Variants in MYO1B observed in about 807,000 individuals in gnomAD.
MYO1B encodes the protein unconventional myosin-Ib.
In MYO1B, 72 loss-of-function variants were observed where a neutral mutation model predicts 159.7. The ratio of observed to expected loss-of-function variants is 0.45; its 90% CI spans 0.37 to 0.55. The LOEUF is 0.55. Ranked by LOEUF, MYO1B falls within the 20% of genes least tolerant of loss-of-function variation. The pLI, the probability that MYO1B is intolerant of heterozygous loss-of-function variation, is 0.00. For missense variants in MYO1B, 1,062 were observed against 1,364.8 expected (o/e 0.78, Z 3.50); for synonymous variants, 468 against 473.8 (o/e 0.99, Z 0.16).
intron 17 of MYO1B, 39 bp downstream of exon 17, chr2:191,387,489 A>T (rs1464470945): frequency 6.5e-7 from 1 of 1,548,062 alleles, no homozygotes; most frequent in African/African-American, 1.4e-5. Flanking sequence ...TTCAAATGTG[A>T]GAGCACCCCG....
chr2:191,408,910 T>G, intron 25 of MYO1B, 134 bp from the exon 26 acceptor site: 11 of 912,198 alleles, frequency 1.2e-5, no homozygotes, highest in Non-Finnish European at 1.8e-5. Flanking sequence ...ACTTCCCAGA[T>G]GAGTTACAGT....
At chr2:191,284,110 C>G (rs1424676163) in intron 2 of MYO1B, among the ~76,000 whole-genome samples, 2 of 152,164 alleles carry the variant, frequency 1.3e-5, no homozygotes, top group East Asian at 3.8e-4. Flanking sequence ...ATCATGTTCA[C>G]AGGATGACAG....
chr2:191,312,929 C>G lies in MYO1B; in HGVS notation c.251+16703C>G, dbSNP rs76494139. Among the ~76,000 whole-genome samples, 5 of 152,140 alleles carry G rather than the reference C, an allele frequency of 3.3e-5. No individual in the cohort carries two copies. The East Asian group carries it at 9.6e-4, about 29-fold the overall frequency. On this transcript the variant is annotated intron_variant, in intron 3 of 30. Transcript: ENST00000392318. The stretch of plus-strand genomic sequence containing the variant: ...TGCTGCTTACTGACAAAATTCCCAC[C>G]TATTGGAAATGAAACTTGAGTTTAT...
chr2:191,318,470 A>G (rs973425605), intron 3 of MYO1B, among the ~76,000 whole-genome samples: 3 of 152,212 alleles, frequency 2.0e-5, no homozygotes, highest in African/African-American at 7.2e-5. Flanking sequence ...AAATATGTGT[A>G]CTATGTAGAG....
At chr2:191,293,150 C>T (rs978681007) in intron 2 of MYO1B, among the ~76,000 whole-genome samples, 3 of 152,246 alleles carry the variant, frequency 2.0e-5, no homozygotes, top group African/African-American at 7.2e-5. Flanking sequence ...CAGGCTTCTA[C>T]TTGTGTCTCA....
intron 13 of MYO1B, among the ~76,000 whole-genome samples, chr2:191,378,100 TC>T (rs1694822332): frequency 6.6e-6 from 1 of 152,148 alleles, no homozygotes; most frequent in Non-Finnish European, 1.5e-5. Context: ...GAATACTCTC[TC>T]CTTATTGGTT....
intron 2 of MYO1B, among the ~76,000 whole-genome samples, chr2:191,277,439 AT>A (rs1402942611): frequency 6.6e-6 from 1 of 152,218 alleles, no homozygotes; most frequent in Middle Eastern, 3.2e-3. Flanking sequence ...CTTTCTCGAC[AT>A]TTGTAGTTAG....
At chr2:191,305,723 G>A (rs576697400) in intron 3 of MYO1B, among the ~76,000 whole-genome samples, 9 of 152,240 alleles carry the variant, frequency 5.9e-5, no homozygotes, top group South Asian at 2.1e-4. Context: ...GATTCCTTTT[G>A]TAGCAGCATA....
chr2:191,412,389 G>C (rs760773685), intron 27 of MYO1B, among the ~76,000 whole-genome samples: 90 of 152,174 alleles, frequency 5.9e-4, no homozygotes, highest in Non-Finnish European at 1.3e-4. Context: ...AAGCCTGTTA[G>C]CATTTTTATA....
At chr2:191,351,615 A>G (rs924974269) in intron 7 of MYO1B, among the ~76,000 whole-genome samples, 2 of 152,202 alleles carry the variant, frequency 1.3e-5, no homozygotes. Flanking sequence ...GGCTGGGCGC[A>G]ATGGCTCATG....
At chr2:191,312,929 C>T (rs76494139) in intron 3 of MYO1B, among the ~76,000 whole-genome samples, 2 of 152,140 alleles carry the variant, frequency 1.3e-5, no homozygotes, top group African/African-American at 4.8e-5. Flanking sequence ...AAATTCCCAC[C>T]TATTGGAAAT....
chr2:191,272,416 G>A (rs535404637), intron 1 of MYO1B, among the ~76,000 whole-genome samples: 39 of 152,334 alleles, frequency 2.6e-4, no homozygotes, highest in African/African-American at 9.1e-4. Flanking sequence ...GATTGCCATA[G>A]TTCTTGGTAG....
chr2:191,368,314 A>G (rs866119280), intron 11 of MYO1B, among the ~76,000 whole-genome samples: 2 of 152,248 alleles, frequency 1.3e-5, no homozygotes, highest in South Asian at 4.1e-4. Flanking sequence ...AAATACACAC[A>G]TACGGCCAGC....
chr2:191,292,382 T>C (rs778169272), intron 2 of MYO1B, among the ~76,000 whole-genome samples: 13 of 152,166 alleles, frequency 8.5e-5, no homozygotes, highest in Non-Finnish European at 1.8e-4. Context: ...TAGGCAGACA[T>C]GAGACTTCAA....
At chr2:191,405,636 C>G (rs1275826754) in intron 24 of MYO1B, among the ~76,000 whole-genome samples, 1 of 152,206 alleles carries the variant, frequency 6.6e-6, no homozygotes, top group Non-Finnish European at 1.5e-5. Flanking sequence ...CCTCGTATAT[C>G]TCCATCAGAG....
chr2:191,273,840 T>C (rs2125730227), intron 1 of MYO1B, among the ~76,000 whole-genome samples: 1 of 152,368 alleles, frequency 6.6e-6, no homozygotes, highest in East Asian at 1.9e-4. Context: ...TAATGGTTTA[T>C]GGAAATGTGG....
At chr2:191,402,855 C>T in intron 24 of MYO1B, 137 bp downstream of exon 24, 1 of 623,274 alleles carries the variant, frequency 1.6e-6, no homozygotes, top group East Asian at 3.1e-5. Flanking sequence ...TAATTTTGTA[C>T]CTTTTTCAGA....
intron 3 of MYO1B, among the ~76,000 whole-genome samples, chr2:191,301,052 G>A (rs929438222): frequency 1.4e-4 from 22 of 152,098 alleles, no homozygotes; most frequent in African/African-American, 4.1e-4. Context: ...CCTCCTCTGC[G>A]GCTCCTTTCC....
At chr2:191,331,973 T>G (rs77496990) in intron 4 of MYO1B, among the ~76,000 whole-genome samples, 1 of 152,234 alleles carries the variant, frequency 6.6e-6, no homozygotes, top group South Asian at 2.1e-4. Context: ...TTATCCTTTT[T>G]CTTTTTGAGA....
Sources: gnomAD v4.1 joint callset for allele counts (sites outside exome capture counted in the v4.1 genomes callset) on GRCh38, gnomAD v4.1.1 for gene constraint, MANE v1.5 for transcripts, NCBI Gene and HGNC (gene_info 2026-07-23, HGNC 2026-07-21) for gene names.